The following DDX42 variants were observed in gnomAD, a reference collection of about 807,000 sequenced individuals.
DDX42 encodes ATP-dependent RNA helicase DDX42.
In DDX42, 22 loss-of-function variants were observed where a neutral mutation model predicts 101.5. That is an observed-to-expected ratio of 0.22 (90% confidence interval 0.15 to 0.31). The LOEUF is 0.31. Among genes scored for constraint, DDX42 ranks in the 10% least tolerant of loss-of-function variants. The pLI is 1.00. For missense variants in DDX42, 849 were observed against 1,199.9 expected (o/e 0.71, Z 4.32); for synonymous variants, 402 against 401.2 (o/e 1.00, Z -0.02).
Position 63,805,192 on chromosome 17 carries a change from T to C in DDX42, c.726+17T>C. The C allele has an allele frequency of 6.2e-7, 1 of 1,607,778 alleles. No homozygotes were observed. The highest frequency in any genetic ancestry group is 8.5e-7 in the Non-Finnish European group (1 of 1,178,270). On this transcript the variant is annotated intron_variant, in intron 7 of 17. Coordinates refer to ENST00000389924, the MANE Select transcript of DDX42 (RefSeq NM_203499.3). ...AATCTTCGGGTAAGCATCATTAAGC[T>C]CAATATTCTTAATATTAATGTTAAT...
chr17:63,805,743 C>G (rs1854819902), intron 7 of DDX42: 1 of 152,486 alleles, frequency 6.6e-6, no homozygotes, highest in Admixed American at 6.5e-5. Flanking sequence ...ATATAGACAA[C>G]TTTCTCGCCT....
chr17:63,810,497 G>A lies in DDX42; in HGVS notation c.1253-16G>A, dbSNP rs1235975432. On this transcript the variant is annotated splice_polypyrimidine_tract_variant and intron_variant, in intron 11 of 17. Coordinates refer to ENST00000389924, the MANE Select transcript of DDX42 (RefSeq NM_203499.3). Reference sequence around the variant, plus strand: ...TATTTCAGGTTATAATAATTTTATTGTTCTGTTTCTTGCAGAGTACCAAGT... The same window carrying A: ...TATTTCAGGTTATAATAATTTTATTATTCTGTTTCTTGCAGAGTACCAAGT... 1 of 1,613,306 alleles carries A rather than the reference G, an allele frequency of 6.2e-7. No homozygotes were observed. The highest frequency in any genetic ancestry group is 1.1e-5 in the South Asian group (1 of 91,022).
chr17:63,795,259 G>T (rs1490722908), intron 3 of DDX42, among the ~76,000 whole-genome samples: 1 of 152,236 alleles, frequency 6.6e-6, no homozygotes, highest in Non-Finnish European at 1.5e-5. Flanking sequence ...GACAAGGCAT[G>T]CTTTTCCTTG....
chr17:63,790,980 C>T (rs576816024), intron 2 of DDX42, among the ~76,000 whole-genome samples: 1 of 152,148 alleles, frequency 6.6e-6, no homozygotes, highest in African/African-American at 2.4e-5. Context: ...ATTATTGTTA[C>T]ATATAGTCAG....
intron 2 of DDX42, among the ~76,000 whole-genome samples, chr17:63,791,995 C>G (rs896609201): frequency 6.6e-6 from 1 of 151,298 alleles, no homozygotes; most frequent in African/African-American, 2.4e-5. Flanking sequence ...TGCAGGGAGC[C>G]CAGATTGTGC....
At chr17:63,803,567 C>CAA (rs1165590235) in intron 6 of DDX42, among the ~76,000 whole-genome samples, 11 of 44,212 alleles carry the variant, frequency 2.5e-4, no homozygotes, top group South Asian at 8.0e-4. Flanking sequence ...GACTCCATCT[C>CAA]AAAAAAAAAA....
Position 63,818,440 on chromosome 17 carries a change from T to C in DDX42, c.*42T>C, listed in dbSNP as rs752513596. 7.2e-5 allele frequency: 112 copies of C among 1,566,238 alleles called. No homozygotes were observed. Among genetic ancestry groups the C allele is most frequent in the Non-Finnish European group, 9.3e-5 (108 of 1,157,688 alleles). On this transcript the variant is annotated 3_prime_UTR_variant, in exon 18 of 18. Transcript: ENST00000389924. The stretch of plus-strand genomic sequence containing the variant: ...CGTGAAATCAGTTGTCCTTAATTTT[T>C]AGAAAGATTTTGGTAACTAGGTGTC...
At chr17:63,817,184 T>G (rs959435799) in intron 17 of DDX42, 2 of 504,480 alleles carry the variant, frequency 4.0e-6, no homozygotes, top group African/African-American at 3.9e-5. Context: ...TGAGTCACAC[T>G]TGGGGCCTGG....
intron 11 of DDX42, 159 bp from the exon 12 acceptor site, chr17:63,810,354 G>A: frequency 1.7e-6 from 1 of 580,146 alleles, no homozygotes; most frequent in South Asian, 2.2e-5. Flanking sequence ...GCCTCCGAAA[G>A]TGCTAGGATT....
intron 2 of DDX42, among the ~76,000 whole-genome samples, chr17:63,790,961 T>C (rs2039620727): frequency 6.6e-6 from 1 of 152,206 alleles, no homozygotes; most frequent in Non-Finnish European, 1.5e-5. Context: ...ACTATATAGT[T>C]TAGCCTATAT....
intron 6 of DDX42, 38 bp downstream of exon 6, chr17:63,800,655 G>C: frequency 6.2e-7 from 1 of 1,605,008 alleles, no homozygotes; most frequent in South Asian, 1.1e-5. Flanking sequence ...CTTGTTTCAA[G>C]CTGATGCTTT....
At chr17:63,803,849 C>T (rs989583117) in intron 6 of DDX42, among the ~76,000 whole-genome samples, 2 of 151,800 alleles carry the variant, frequency 1.3e-5, no homozygotes, top group Non-Finnish European at 2.9e-5. Flanking sequence ...GGGCTTTCAC[C>T]ATGTTGGCCA....
intron 1 of DDX42, among the ~76,000 whole-genome samples, chr17:63,775,440 A>G (rs2039408557): frequency 6.6e-6 from 1 of 152,146 alleles, no homozygotes; most frequent in Non-Finnish European, 1.5e-5. Flanking sequence ...TGAATGTTAG[A>G]AGATGATCAG....
At chr17:63,808,740 G>T in intron 9 of DDX42, 80 bp from the exon 10 acceptor site, 1 of 1,565,048 alleles carries the variant, frequency 6.4e-7, no homozygotes, top group African/African-American at 1.4e-5. Flanking sequence ...ATCACATTCT[G>T]TTTTTCAGAA....
At chr17:63,788,780 C>G (rs1233871894) in intron 2 of DDX42, among the ~76,000 whole-genome samples, 1 of 152,158 alleles carries the variant, frequency 6.6e-6, no homozygotes, top group Admixed American at 6.5e-5. Context: ...GGGTTGAGTT[C>G]TAATTTCTAT....
intron 2 of DDX42, among the ~76,000 whole-genome samples, chr17:63,787,903 T>C (rs1479213307): frequency 2.0e-5 from 2 of 99,468 alleles, no homozygotes; most frequent in East Asian, 5.2e-4. Flanking sequence ...ATAATTCATG[T>C]GGTTTTTTTT....
At chr17:63,812,705 G>A (rs979626555) in intron 14 of DDX42, among the ~76,000 whole-genome samples, 5 of 152,104 alleles carry the variant, frequency 3.3e-5, no homozygotes, top group Admixed American at 2.0e-4. Flanking sequence ...CAAGAGAAGA[G>A]GGCATGGCAG....
chr17:63,815,283 T>G (rs1057187795), intron 15 of DDX42, among the ~76,000 whole-genome samples: 2 of 152,220 alleles, frequency 1.3e-5, no homozygotes, highest in African/African-American at 2.4e-5. Flanking sequence ...CCTCTGGGTT[T>G]GAAGCTTACC....
chr17:63,777,660 G>C (rs1287621477), intron 1 of DDX42, among the ~76,000 whole-genome samples: 1 of 151,626 alleles, frequency 6.6e-6, no homozygotes. Context: ...ATGTTAGCCA[G>C]GATTGTCTCG....
Sources: gnomAD v4.1 joint callset for allele counts (sites outside exome capture counted in the v4.1 genomes callset) on GRCh38, gnomAD v4.1.1 for gene constraint, MANE v1.5 for transcripts, NCBI Gene and HGNC (gene_info 2026-07-23, HGNC 2026-07-21) for gene names.